The following EBF1 variants were observed in gnomAD, a reference collection of about 807,000 sequenced individuals.
The protein encoded by EBF1 is transcription factor COE1.
In EBF1, 10 loss-of-function variants were observed where a neutral mutation model predicts 68.4. That is an observed-to-expected ratio of 0.15 (90% CI 0.09 to 0.25). The LOEUF is 0.25. EBF1 is among the 10% of genes least tolerant of loss of function. EBF1 has a pLI of 1.00. For synonymous variants in EBF1, 298 were observed against 299.8 expected (o/e 0.99, Z 0.06); for missense variants, 509 against 794.4 (o/e 0.64, Z 4.32).
At chr5:158,810,058 G>GT (rs1341166919) in intron 8 of EBF1, among the ~76,000 whole-genome samples, 6 of 152,184 alleles carry the variant, frequency 3.9e-5, no homozygotes, top group Non-Finnish European at 5.9e-5. Flanking sequence ...AAGTTGAAAG[G>GT]TAGAGGAATA....
intron 6 of EBF1, among the ~76,000 whole-genome samples, chr5:159,032,444 G>A (rs564658195): frequency 1.2e-4 from 19 of 152,094 alleles, no homozygotes; most frequent in South Asian, 2.1e-4. Context: ...ATCAAGACAC[G>A]CCACTGGCTC....
chr5:158,859,607 C>A lies in EBF1; in HGVS notation c.555-19497G>T, dbSNP rs530129813. Among the ~76,000 whole-genome samples the A allele has an allele frequency of 9.8e-4, 149 of 152,292 alleles. No individual in the cohort carries two copies. In the Middle Eastern group the frequency reaches 0.02, roughly 21 times the overall value. On this transcript the variant is annotated intron_variant, in intron 6 of 15. Coordinates refer to ENST00000313708, the MANE Select transcript of EBF1 (RefSeq NM_024007.5). Reference sequence around the variant, plus strand: ...GGACTATTTCTGGCTGAAACTAATTCACTTGTACCTCCAAAGCTGCCCCTC... The same window carrying A: ...GGACTATTTCTGGCTGAAACTAATTAACTTGTACCTCCAAAGCTGCCCCTC...
intron 7 of EBF1, among the ~76,000 whole-genome samples, chr5:158,835,794 A>C (rs542963235): frequency 2.0e-5 from 3 of 152,286 alleles, no homozygotes; most frequent in African/African-American, 7.2e-5. Context: ...AACTGTTCTA[A>C]AATGTTTCCT....
intron 8 of EBF1, among the ~76,000 whole-genome samples, chr5:158,799,326 G>A (rs1780155338): frequency 6.6e-6 from 1 of 152,118 alleles, no homozygotes; most frequent in Non-Finnish European, 1.5e-5. Context: ...GGAGGCTGAG[G>A]CAGAAGGATT....
At chr5:158,982,793 TA>T (rs5872581) in intron 6 of EBF1, among the ~76,000 whole-genome samples, 2,769 of 142,296 alleles carry the variant, frequency 0.019, 87 homozygotes, top group African/African-American at 0.065. Flanking sequence ...TATATATATA[TA>T]TAGTGGTCTA....
intron 7 of EBF1, among the ~76,000 whole-genome samples, chr5:158,835,153 C>G (rs1788466398): frequency 6.6e-6 from 1 of 152,222 alleles, no homozygotes; most frequent in Admixed American, 6.5e-5. Context: ...TTATGACACA[C>G]ACCTCTGTAG....
chr5:159,035,364 C>T (rs942169025), intron 6 of EBF1, among the ~76,000 whole-genome samples: 3 of 151,816 alleles, frequency 2.0e-5, no homozygotes, highest in Non-Finnish European at 4.4e-5. Context: ...AAGTAAATGC[C>T]AGGAAGAAAC....
intron 6 of EBF1, among the ~76,000 whole-genome samples, chr5:158,913,705 C>T (rs946822230): frequency 6.6e-6 from 1 of 152,180 alleles, no homozygotes; most frequent in African/African-American, 2.4e-5. Flanking sequence ...TCCATCTCTG[C>T]CTCTCGGACA....
At chr5:158,736,103 A>G (rs1765126451) in intron 10 of EBF1, among the ~76,000 whole-genome samples, 1 of 152,204 alleles carries the variant, frequency 6.6e-6, no homozygotes, top group Non-Finnish European at 1.5e-5. Flanking sequence ...TTTCTTTCTT[A>G]AAGAAATCCA....
At chr5:159,077,921 G>A (rs1449747173) in intron 5 of EBF1, among the ~76,000 whole-genome samples, 1 of 151,548 alleles carries the variant, frequency 6.6e-6, no homozygotes, top group Non-Finnish European at 1.5e-5. Context: ...TGTATTTTTT[G>A]TGGAGACTGA....
chr5:158,949,397 A>G (rs1815510036), intron 6 of EBF1, among the ~76,000 whole-genome samples: 1 of 152,324 alleles, frequency 6.6e-6, no homozygotes, highest in Middle Eastern at 3.4e-3. Context: ...TGGGAGGTAA[A>G]GATGGGAGGA....
chr5:158,886,870 C>T (rs553111502), intron 6 of EBF1, among the ~76,000 whole-genome samples: 15 of 152,134 alleles, frequency 9.9e-5, no homozygotes, highest in East Asian at 3.9e-4. Flanking sequence ...GGTGTGGCGG[C>T]GGGCACGTGT....
chr5:158,747,334 C>T (rs954225270), intron 10 of EBF1, among the ~76,000 whole-genome samples: 1 of 152,132 alleles, frequency 6.6e-6, no homozygotes, highest in African/African-American at 2.4e-5. Flanking sequence ...TTGGATACCC[C>T]AAAAGGTAGA....
At chr5:158,743,561 A>C (rs1171461903) in intron 10 of EBF1, among the ~76,000 whole-genome samples, 1 of 152,236 alleles carries the variant, frequency 6.6e-6, no homozygotes, top group East Asian at 1.9e-4. Flanking sequence ...TAAAGGCAGC[A>C]TTATTGTAAT....
At chr5:158,984,681 C>CT (rs869234197) in intron 6 of EBF1, 8,542 of 99,916 alleles carry the variant, frequency 0.085, 486 homozygotes, top group African/African-American at 0.12. Context: ...TGCTTTCTTC[C>CT]TTTTTTTTTT....
chr5:158,822,799 A>T (rs1785146448), intron 8 of EBF1, among the ~76,000 whole-genome samples: 1 of 152,224 alleles, frequency 6.6e-6, no homozygotes, highest in Non-Finnish European at 1.5e-5. Flanking sequence ...ATATATCACA[A>T]TTTTAGTGAT....
intron 6 of EBF1, among the ~76,000 whole-genome samples, chr5:159,009,878 T>A (rs1212101351): frequency 1.3e-5 from 2 of 152,190 alleles, no homozygotes; most frequent in African/African-American, 4.8e-5. Context: ...ACCTCAAAAT[T>A]ATTTCATTTT....
chr5:158,787,057 C>T (rs1452593069), intron 9 of EBF1, among the ~76,000 whole-genome samples: 1 of 152,148 alleles, frequency 6.6e-6, no homozygotes, highest in Non-Finnish European at 1.5e-5. Flanking sequence ...TTAACGTGTT[C>T]ATTCAGGAAC....
At chr5:159,082,891 T>C (rs1779975972) in intron 5 of EBF1, among the ~76,000 whole-genome samples, 1 of 152,154 alleles carries the variant, frequency 6.6e-6, no homozygotes, top group Non-Finnish European at 1.5e-5. Context: ...AGAAAGAACA[T>C]CAGCAGTAAA....
Sources: gnomAD v4.1 joint callset for allele counts (sites outside exome capture counted in the v4.1 genomes callset) on GRCh38, gnomAD v4.1.1 for gene constraint, MANE v1.5 for transcripts, NCBI Gene and HGNC (gene_info 2026-07-23, HGNC 2026-07-21) for gene names.